ARAP3: variants seen among roughly 807,000 people sequenced by gnomAD.
ARAP3 encodes the protein ArfGAP with RhoGAP domain, ankyrin repeat and PH domain 3.
ARAP3 carries 82 observed loss-of-function variants against 169.2 expected under a neutral mutation model. The ratio of observed to expected loss-of-function variants is 0.48; its 90% confidence interval spans 0.41 to 0.58. The LOEUF (loss-of-function observed/expected upper bound fraction) is 0.58. ARAP3 is among the 20% of genes least tolerant of loss of function. The pLI is 0.00. For missense variants in ARAP3, 1,764 were observed against 2,018.0 expected (o/e 0.87, Z 2.41); for synonymous variants, 791 against 800.3 (o/e 0.99, Z 0.20).
intron 18 of ARAP3, 61 bp from the exon 19 acceptor site, chr5:141,665,146 G>C: frequency 6.4e-7 from 1 of 1,571,896 alleles, no homozygotes; most frequent in African/African-American, 1.4e-5. Flanking sequence ...ATGGGGACCA[G>C]ACTTCCCAGA....
chr5:141,655,687 A>G lies in ARAP3; in HGVS notation c.4044T>C (p.Thr1348=). ...SSDLARQKFG[T]MPLLPIRGDD... is the part of the protein sequence containing the mutation. ...CCCCACGGATAGGCAGCAAAGGCAT[A>G]GTGCCAAACTTCTGACGGGCAAGGT... The change falls in exon 31 of 33, where the codon ACT becomes ACC. Residue 1348 remains threonine (T), a synonymous_variant. Transcript: ENST00000239440. The G allele has an allele frequency of 6.2e-7, 1 of 1,614,208 alleles. No individual in the cohort carries two copies. The highest frequency in any genetic ancestry group is 8.5e-7 in the Non-Finnish European group (1 of 1,180,036).
intron 19 of ARAP3, 45 bp downstream of exon 19, chr5:141,664,877 C>T: frequency 2.7e-6 from 1 of 367,766 alleles, no homozygotes; most frequent in Non-Finnish European, 5.5e-6. Context: ...TCATCACCCC[C>T]ACCCCCCACC....
chr5:141,661,914 CT>C (rs2099910029), intron 20 of ARAP3, 125 bp from the exon 21 acceptor site: 1 of 1,498,330 alleles, frequency 6.7e-7, no homozygotes, highest in African/African-American at 1.4e-5. Flanking sequence ...CCACCTCCCC[CT>C]GAGCCAAGTC....
intron 23 of ARAP3, among the ~76,000 whole-genome samples, chr5:141,658,949 C>T (rs1420135344): frequency 1.3e-5 from 2 of 151,942 alleles, no homozygotes; most frequent in Admixed American, 6.5e-5. Flanking sequence ...CCGCTGAACC[C>T]GTTTATTTGA....
At chr5:141,655,256 A>G (rs898332209) in intron 32 of ARAP3, 106 bp downstream of exon 32, 19 of 1,149,068 alleles carry the variant, frequency 1.7e-5, no homozygotes, top group Non-Finnish European at 2.4e-5. Flanking sequence ...ACACACACAC[A>G]CACCCCCTGA....
chr5:141,659,989 C>A, intron 21 of ARAP3, 63 bp from the exon 22 acceptor site: 1 of 1,502,502 alleles, frequency 6.7e-7, no homozygotes, highest in Non-Finnish European at 9.0e-7. Flanking sequence ...CTTATTGAGT[C>A]CCTATTGTAT....
intron 21 of ARAP3, 140 bp from the exon 22 acceptor site, chr5:141,660,066 G>A: frequency 8.6e-7 from 1 of 1,161,342 alleles, no homozygotes; most frequent in African/African-American, 1.6e-5. Flanking sequence ...CCAGTCTAGG[G>A]GAGACAGATA....
Position 141,671,251 on chromosome 5 carries a change from C to G in ARAP3, c.1990+14G>C. ...ATTCCTGTAGGGGAGAGAGGAGGCA[C>G]TTGGGGGAATGACCTGAGGGCAAGA... On this transcript the variant is annotated intron_variant, in intron 13 of 32. Transcript: ENST00000239440. This position sits in a 1 kb window ranked among gnomAD's most constrained non-coding sequence, Gnocchi z 4.9. 2.5e-6 allele frequency: 4 copies of G among 1,587,492 alleles called. No homozygotes were observed. The highest frequency in any genetic ancestry group is 3.4e-6 in the Non-Finnish European group (4 of 1,167,444).
At chr5:141,673,299 C>A in intron 6 of ARAP3, 102 bp downstream of exon 6, 1 of 1,540,532 alleles carries the variant, frequency 6.5e-7, no homozygotes, top group Non-Finnish European at 8.9e-7. Context: ...GCAGTCACTG[C>A]CCCGCCCACA....
chr5:141,671,777 C>G lies in ARAP3; in HGVS notation c.1672-25G>C, dbSNP rs1385470616. On this transcript the variant is annotated intron_variant, in intron 11 of 32. Coordinates refer to ENST00000239440, the MANE Select transcript of ARAP3 (RefSeq NM_022481.6). The surrounding 1 kb of genome is among the most constrained non-coding windows in gnomAD (Gnocchi z 4.9). ...ACTGTGGGATGACAAGGGACAAAGG[C>G]AGGTGACAGGAACTCAAGAGTCCTC... 6.3e-7 allele frequency: 1 copy of G among 1,596,924 alleles called. No homozygotes were observed. Among genetic ancestry groups the G allele is most frequent in the Non-Finnish European group, 8.5e-7 (1 of 1,170,132 alleles).
rs528389370 is a variant in ARAP3, at chr5:141,673,661, C to T, written c.846G>A (p.Thr282=). The change falls in exon 5 of 33, where the codon ACG becomes ACA. Residue 282 remains threonine (T), a synonymous_variant. Coordinates refer to ENST00000239440, the MANE Select transcript of ARAP3 (RefSeq NM_022481.6). ...TGAGCAGGGGCGTGAGGCGGTCTGC[C>T]GTGAAGGAGAAGCTGGCATAGGGTG... ...LISPYASFSF[T]ADRLTPLLSG... is the part of the protein sequence containing the mutation. 45 of 1,614,206 alleles carry T rather than the reference C, an allele frequency of 2.8e-5. No individual in the cohort carries two copies. The South Asian group carries it at 3.2e-4, about 11-fold the overall frequency.
chr5:141,655,624 G>C lies in ARAP3; in HGVS notation c.4107C>G (p.Thr1369=). The stretch of plus-strand genomic sequence containing the variant: ...GGGGCAGGGTGGGGTGCCTTACCAG[G>C]GTCTGATTGGCAGAGAGGAGGGTGG... ...SGATLLSANQ[T]LRRLHNRRTL... is the part of the protein sequence containing the mutation. Residue 1369 remains threonine (T), a synonymous_variant, in exon 31 of 33, where the codon ACC becomes ACG. Coordinates refer to ENST00000239440, the MANE Select transcript of ARAP3 (RefSeq NM_022481.6). 1 of 1,614,024 alleles carries C rather than the reference G, an allele frequency of 6.2e-7. No individual in the cohort carries two copies. Among genetic ancestry groups the C allele is most frequent in the Non-Finnish European group, 8.5e-7 (1 of 1,179,940 alleles).
intron 25 of ARAP3, 51 bp downstream of exon 25, chr5:141,658,314 C>T: frequency 1.3e-6 from 2 of 1,577,340 alleles, no homozygotes; most frequent in Non-Finnish European, 1.7e-6. Context: ...ACCACACAAC[C>T]ACACACACGC....
At position 141,672,669 on chromosome 5, in the gene ARAP3, C is replaced by T; in HGVS notation, c.1279-11G>A. On this transcript the variant is annotated splice_polypyrimidine_tract_variant and intron_variant, in intron 8 of 32. Transcript: ENST00000239440. The surrounding 1 kb of genome is among the most constrained non-coding windows in gnomAD (Gnocchi z 4.9). Reference sequence around the variant, plus strand: ...GCCCAGAGAGAAGGCCTGGTGGGGTCAGGGGGTGGGCATCATGAGGTGCCA... The same window carrying T: ...GCCCAGAGAGAAGGCCTGGTGGGGTTAGGGGGTGGGCATCATGAGGTGCCA... 1 of 1,613,790 alleles carries T rather than the reference C, an allele frequency of 6.2e-7. No individual in the cohort carries two copies. Among genetic ancestry groups the T allele is most frequent in the Non-Finnish European group, 8.5e-7 (1 of 1,179,824 alleles).
chr5:141,654,072 T>C lies in ARAP3; in HGVS notation c.4513A>G (p.Ser1505Gly). The C allele has an allele frequency of 6.2e-7, 1 of 1,607,272 alleles. No individual in the cohort carries two copies. The highest frequency in any genetic ancestry group is 8.5e-7 in the Non-Finnish European group (1 of 1,176,388). The change falls in exon 33 of 33, where the codon AGT becomes GGT. Residue 1505 changes from serine to glycine, a missense_variant. Physicochemically the swap from Ser to Gly is moderately conservative, Grantham distance 56. Transcript: ENST00000239440. Reference protein sequence around the residue: ...RKGETTAGLGSPSQPSSPQSP... With the variant: ...RKGETTAGLGGPSQPSSPQSP... ...TGGGGGCTGGATGGCTGGGAAGGAC[T>C]TCCCAGGCCTGCAGTGGTCTCTCCT...
intron 24 of ARAP3, 48 bp downstream of exon 24, chr5:141,658,531 G>A: frequency 6.2e-7 from 1 of 1,613,776 alleles, no homozygotes; most frequent in Non-Finnish European, 8.5e-7. Flanking sequence ...TATTGCCCCT[G>A]GAACCTCACT....
chr5:141,659,620 TG>T, intron 22 of ARAP3, 144 bp from the exon 23 acceptor site: 1 of 1,327,444 alleles, frequency 7.5e-7, no homozygotes, highest in Non-Finnish European at 1.1e-6. Flanking sequence ...AGTGAAGTTG[TG>T]GGAGAAGAAG....
Position 141,672,473 on chromosome 5 carries a change from A to C in ARAP3, c.1385+79T>G. The C allele has an allele frequency of 6.6e-7, 1 of 1,525,788 alleles. No homozygotes were observed. The highest frequency in any genetic ancestry group is 9.0e-7 in the Non-Finnish European group (1 of 1,117,296). The allele number at this position is 1,525,788 out of a possible 1,614,324, so 94.5% of individuals were successfully genotyped here. ...GTGCATACCCTCTGACGTCCTACTA[A>C]AGAGGCCTCTAGTCCTCTGCACCCT... On this transcript the variant is annotated intron_variant, in intron 9 of 32. Transcript: ENST00000239440. This position sits in a 1 kb window ranked among gnomAD's most constrained non-coding sequence, Gnocchi z 4.9.
rs2099911445 is a variant in ARAP3 at position 141,671,528 on chromosome 5, T to G, written c.1854+42A>C. ...CATTCCAACTCCAGAGAGTGTTTCC[T>G]GACCCCCCCACCCCAGATCACCCCT... On this transcript the variant is annotated intron_variant, in intron 12 of 32. Coordinates refer to ENST00000239440, the MANE Select transcript of ARAP3 (RefSeq NM_022481.6). The surrounding 1 kb of genome is among the most constrained non-coding windows in gnomAD (Gnocchi z 4.9). 6.2e-7 allele frequency: 1 copy of G among 1,611,498 alleles called. No individual in the cohort carries two copies. The highest frequency in any genetic ancestry group is 8.5e-7 in the Non-Finnish European group (1 of 1,179,142).
Sources: allele counts gnomAD v4.1 joint callset (sites outside exome capture counted in the v4.1 genomes callset), GRCh38; gene constraint gnomAD v4.1.1; non-coding constraint Gnocchi (gnomAD v3.1); transcripts MANE v1.5; gene names NCBI Gene and HGNC (gene_info 2026-07-23, HGNC 2026-07-21).